MACF1: variants seen among roughly 807,000 people sequenced by gnomAD.
MACF1 encodes microtubule-actin cross-linking factor 1.
A neutral mutation model predicts 854.8 loss-of-function variants in MACF1; 193 were observed. The ratio of observed to expected loss-of-function variants is 0.23; its 90% CI spans 0.20 to 0.25. The LOEUF is 0.25. MACF1 is among the 10% of genes least tolerant of loss of function. The pLI is 1.00. For missense variants in MACF1, 7,722 were observed against 8,929.1 expected (o/e 0.86, Z 5.45); for synonymous variants, 3,185 against 3,226.7 (o/e 0.99, Z 0.44).
intron 36 of MACF1, among the ~76,000 whole-genome samples, chr1:39,327,758 C>T (rs1026414403): frequency 5.3e-5 from 8 of 152,188 alleles, no homozygotes; most frequent in African/African-American, 1.9e-4. Context: ...TCCCTCTATA[C>T]TAAGGCAGTA....
intron 2 of MACF1, among the ~76,000 whole-genome samples, chr1:39,161,905 A>AC (rs1433666542): frequency 3.3e-5 from 5 of 149,838 alleles, no homozygotes; most frequent in African/African-American, 9.8e-5. Context: ...TAAAAAAAAA[A>AC]AACTAGCCGG....
At chr1:39,279,072 A>G (rs1645493804) in intron 6 of MACF1, among the ~76,000 whole-genome samples, 1 of 152,236 alleles carries the variant, frequency 6.6e-6, no homozygotes, top group Non-Finnish European at 1.5e-5. Context: ...TCAGGTGAAC[A>G]TGCAGTCAGA....
At chr1:39,301,871 G>A (rs1229786730) in intron 22 of MACF1, among the ~76,000 whole-genome samples, 2 of 152,110 alleles carry the variant, frequency 1.3e-5, no homozygotes, top group African/African-American at 4.8e-5. Context: ...CCAAGACTGG[G>A]TCATATCCTT....
chr1:39,186,214 CTGTGTGTGTG>C lies in MACF1; in HGVS notation c.221-44944_221-44935del, dbSNP rs200739487. Among the ~76,000 whole-genome samples, 481 of 57,694 alleles carry C rather than the reference CTGTGTGTGTG, an allele frequency of 8.3e-3. 3 individuals carry two copies. The highest frequency in any genetic ancestry group is 0.017 in the African/African-American group (346 of 20,492). 37.8% of individuals were successfully genotyped at this position (57,694 alleles called of 152,430 possible). ...TCTCTCTCTCTCTCTCTCTCTCTCTCTGTGTGTGTGTGTGTGTGTGTGTGTGTGTGTGTTT... is the reference window on the plus strand; with the variant it reads ...TCTCTCTCTCTCTCTCTCTCTCTCTCTGTGTGTGTGTGTGTGTGTGTGTTT... On this transcript the variant is annotated intron_variant, in intron 2 of 93. Transcript: ENST00000361689.
chr1:39,191,561 T>A (rs576780441), intron 2 of MACF1, among the ~76,000 whole-genome samples: 1 of 152,342 alleles, frequency 6.6e-6, no homozygotes, highest in Admixed American at 6.5e-5. Flanking sequence ...TAAGGATGGA[T>A]GGACAGATAC....
intron 35 of MACF1, among the ~76,000 whole-genome samples, chr1:39,326,498 T>C (rs1213685146): frequency 1.3e-5 from 2 of 151,972 alleles, no homozygotes; most frequent in Admixed American, 6.6e-5. Context: ...CTGGCCAGCA[T>C]GGTGAAACCC....
Position 39,254,294 on chromosome 1 carries a change from G to C in MACF1, c.358-4G>C. 1 of 1,610,780 alleles carries C rather than the reference G, an allele frequency of 6.2e-7. No homozygotes were observed. ...TTAACATCCCTTTTTTTGTTTGTTT[G>C]CAGCCCCGGGAGAAGGGCAGGATGC... is the stretch of plus-strand genomic sequence containing the variant. On this transcript the variant is annotated splice_region_variant and splice_polypyrimidine_tract_variant and intron_variant, in intron 4 of 100. Transcript: ENST00000564288.
At chr1:39,207,500 G>A (rs1344840781) in intron 1 of MACF1, among the ~76,000 whole-genome samples, 2 of 151,902 alleles carry the variant, frequency 1.3e-5, no homozygotes. Flanking sequence ...GGCTGGTCTC[G>A]AACTCCTGAC....
chr1:39,335,427 C>T lies in MACF1; in HGVS notation c.8839C>T (p.Gln2947Ter). Residue 2947 changes from glutamine (Q) to a stop codon, truncating the protein, a stop_gained, in exon 37 of 101, where the codon CAA becomes TAA. Coordinates refer to ENST00000564288, the MANE Select transcript of MACF1 (RefSeq NM_001394062.1). LOFTEE classifies it high-confidence loss of function. ...TCAAGGGGAAGTGATTTTGGAAGTA[C>T]AAGAAACATATTGTGAAACGTCAGG... ...ENQGEVILEV[Q>*]ETYCETSGKL... The T allele has an allele frequency of 6.2e-7, 1 of 1,614,122 alleles. No individual in the cohort carries two copies. Among genetic ancestry groups the T allele is most frequent in the South Asian group, 1.1e-5 (1 of 91,076 alleles).
At chr1:39,092,984 C>T (rs1192456730) in intron 2 of MACF1, among the ~76,000 whole-genome samples, 2 of 152,114 alleles carry the variant, frequency 1.3e-5, no homozygotes, top group Non-Finnish European at 2.9e-5. Flanking sequence ...CGGGGTTTCA[C>T]CATCTTGGCC....
intron 44 of MACF1, among the ~76,000 whole-genome samples, chr1:39,356,991 T>C (rs1400405239): frequency 1.3e-5 from 2 of 152,214 alleles, no homozygotes; most frequent in East Asian, 3.9e-4. Flanking sequence ...GCATGTGGCA[T>C]ACTGTTTAGA....
intron 2 of MACF1, among the ~76,000 whole-genome samples, chr1:39,090,073 G>C (rs1307551979): frequency 6.6e-6 from 1 of 152,202 alleles, no homozygotes; most frequent in Non-Finnish European, 1.5e-5. Context: ...CCTTTGTCAG[G>C]GAGCAGATGG....
Position 39,283,055 on chromosome 1 carries a change from T to G in MACF1, c.696-134T>G. 1.6e-6 allele frequency: 1 copy of G among 634,566 alleles called. No individual in the cohort carries two copies. The highest frequency in any genetic ancestry group is 2.8e-6 in the Non-Finnish European group (1 of 358,024). The allele number at this position is 634,566 out of a possible 1,614,324, so 39.3% of individuals were successfully genotyped here. A position where few individuals can be genotyped will look rare whatever the true frequency, so the allele number is the denominator to read the frequency against. On this transcript the variant is annotated intron_variant, in intron 7 of 100. Coordinates refer to ENST00000564288, the MANE Select transcript of MACF1 (RefSeq NM_001394062.1). This position sits in a 1 kb window ranked among gnomAD's most constrained non-coding sequence, Gnocchi z 4.5. Reference sequence around the variant, plus strand: ...TACTTAAAAATGGAATTTGTACTCTTCTAAACCTCCTGCTTTTTCTCTAAC... The same window carrying G: ...TACTTAAAAATGGAATTTGTACTCTGCTAAACCTCCTGCTTTTTCTCTAAC...
intron 100 of MACF1, 59 bp downstream of exon 100, chr1:39,484,789 G>A (rs764320457): frequency 1.2e-6 from 2 of 1,607,010 alleles, no homozygotes; most frequent in Admixed American, 1.7e-5. Context: ...AACAGCCTAT[G>A]TGGAATGTTT....
intron 1 of MACF1, among the ~76,000 whole-genome samples, chr1:39,227,482 T>G (rs1191328957): frequency 7.0e-6 from 1 of 143,282 alleles, no homozygotes; most frequent in Non-Finnish European, 1.5e-5. Flanking sequence ...GAACACTATA[T>G]AATTATATAA....
Position 39,380,239 on chromosome 1 carries a change from C to T in MACF1, c.13519-5C>T, listed in dbSNP as rs201652065. 5.6e-6 allele frequency: 9 copies of T among 1,612,184 alleles called. No individual in the cohort carries two copies. The highest frequency in any genetic ancestry group is 1.7e-4 in the Middle Eastern group (1 of 6,054). On this transcript the variant is annotated splice_region_variant and splice_polypyrimidine_tract_variant and intron_variant, in intron 54 of 100. Coordinates refer to ENST00000564288, the MANE Select transcript of MACF1 (RefSeq NM_001394062.1). ...TCATGGCATGCATGGCATTCTTTCT[C>T]CTAGGCCTTCCTGGCTGAGTTGGAA...
At chr1:39,350,396 G>C (rs1647153338) in intron 42 of MACF1, among the ~76,000 whole-genome samples, 1 of 152,166 alleles carries the variant, frequency 6.6e-6, no homozygotes, top group African/African-American at 2.4e-5. Flanking sequence ...AGTGGGACCT[G>C]TATCACACTG....
rs536229624 is a variant in MACF1, at chr1:39,406,503, CTG to C, written c.15817-15870_15817-15869del. On this transcript the variant is annotated intron_variant, in intron 58 of 100. Coordinates refer to ENST00000564288, the MANE Select transcript of MACF1 (RefSeq NM_001394062.1). ...CCTGTAATCCCAGCACTTTGGGAGG[CTG>C]AGGTGAGTGGATCACCTGAGGTCAG... is the stretch of plus-strand genomic sequence containing the variant. Among the ~76,000 whole-genome samples, 215 of 152,182 alleles carry C rather than the reference CTG, an allele frequency of 1.4e-3. 2 individuals are homozygous for C. Among genetic ancestry groups the C allele is most frequent in the African/African-American group, 5.0e-3 (207 of 41,504 alleles).
intron 58 of MACF1, among the ~76,000 whole-genome samples, chr1:39,408,674 G>A (rs903794839): frequency 3.9e-5 from 6 of 152,172 alleles, no homozygotes; most frequent in Admixed American, 6.5e-5. Context: ...GGAGGAGGGC[G>A]GGGCTTTCCT....
Sources: gnomAD v4.1 joint callset for allele counts (sites outside exome capture counted in the v4.1 genomes callset) on GRCh38, gnomAD v4.1.1 for gene constraint, Gnocchi (gnomAD v3.1) non-coding constraint, MANE v1.5 for transcripts, NCBI Gene and HGNC (gene_info 2026-07-23, HGNC 2026-07-21) for gene names.